Variants in AHCYL2 observed in about 807,000 individuals in gnomAD.
AHCYL2 encodes S-adenosylhomocysteine hydrolase-like protein 2.
A neutral mutation model predicts 81.4 loss-of-function variants in AHCYL2; 28 were observed. The observed-to-expected ratio is 0.34, with a 90% CI of 0.25 to 0.47. AHCYL2 has a LOEUF of 0.47. Ranked by LOEUF, AHCYL2 falls within the 20% of genes least tolerant of loss-of-function variation. The pLI, the probability that AHCYL2 is intolerant of heterozygous loss-of-function variation, is 1.00. For synonymous variants in AHCYL2, 272 were observed against 290.2 expected, an observed-to-expected ratio of 0.94 and a Z score of 0.64; for missense variants, 551 against 785.1, an observed-to-expected ratio of 0.70 and a Z score of 3.56.
chr7:129,239,193 T>C (rs1053588043), intron 1 of AHCYL2, among the ~76,000 whole-genome samples: 3 of 152,194 alleles, frequency 2.0e-5, no homozygotes, highest in Admixed American at 1.3e-4. Context: ...GAGGTCTAAT[T>C]ATAGTTAGAG....
chr7:129,302,503 T>A lies in AHCYL2; in HGVS notation c.363+77064T>A, dbSNP rs531162691. The stretch of plus-strand genomic sequence containing the variant: ...GTATGATACTGGCTGTGGGTTGTTG[T>A]ATATGTTTTATTATGCTGAGGTATG... On this transcript the variant is annotated intron_variant, in intron 1 of 16. Transcript: ENST00000325006. 1.3e-4 allele frequency among the ~76,000 whole-genome samples: 20 copies of A among 152,274 alleles called. No homozygotes were observed. In the East Asian group the frequency reaches 3.9e-3, roughly 29 times the overall value.
intron 4 of AHCYL2, among the ~76,000 whole-genome samples, chr7:129,394,603 A>C (rs1795635200): frequency 1.3e-5 from 2 of 151,898 alleles, no homozygotes; most frequent in South Asian, 4.2e-4. Flanking sequence ...ATGTGGCACC[A>C]AGCAGCTAAT....
intron 1 of AHCYL2, among the ~76,000 whole-genome samples, chr7:129,372,706 C>G (rs13245699): frequency 0.023 from 3,554 of 152,116 alleles, 70 homozygotes; most frequent in Admixed American, 0.056. Context: ...CGCAGCTACT[C>G]AGGAGGCTGA....
intron 12 of AHCYL2, among the ~76,000 whole-genome samples, chr7:129,414,186 C>T (rs1179523191): frequency 6.6e-6 from 1 of 152,056 alleles, no homozygotes; most frequent in African/African-American, 2.4e-5. Context: ...TTCTTTTATC[C>T]CTCTCTTTTA....
chr7:129,285,696 C>CTTTT (rs71526096), intron 1 of AHCYL2, among the ~76,000 whole-genome samples: 1 of 100,598 alleles, frequency 9.9e-6, no homozygotes, highest in African/African-American at 3.7e-5. Context: ...CTCTCTCTCT[C>CTTTT]TTTTTTTTTT....
At chr7:129,256,549 A>ACCCCCCCCCC (rs58653086) in intron 1 of AHCYL2, among the ~76,000 whole-genome samples, 2 of 63,744 alleles carry the variant, frequency 3.1e-5, no homozygotes, top group African/African-American at 1.4e-4. Flanking sequence ...CCCACCCCCC[A>ACCCCCCCCCC]CCCCCCCCCC....
intron 1 of AHCYL2, among the ~76,000 whole-genome samples, chr7:129,302,004 C>A (rs919997507): frequency 1.3e-5 from 2 of 151,936 alleles, no homozygotes; most frequent in Non-Finnish European, 2.9e-5. Flanking sequence ...TGTTCCAATC[C>A]GTGGACATGG....
intron 1 of AHCYL2, among the ~76,000 whole-genome samples, chr7:129,290,807 G>A (rs1796823383): frequency 6.7e-6 from 1 of 150,178 alleles, no homozygotes; most frequent in Admixed American, 6.6e-5. Flanking sequence ...GCGGGCGCCT[G>A]TAATCCCAGC....
At chr7:129,423,636 T>C (rs1299139480) in intron 13 of AHCYL2, among the ~76,000 whole-genome samples, 1 of 152,210 alleles carries the variant, frequency 6.6e-6, no homozygotes, top group Non-Finnish European at 1.5e-5. Flanking sequence ...TACCAAAATA[T>C]CAAGGAGGAT....
At chr7:129,233,231 C>T (rs1794511705) in intron 1 of AHCYL2, among the ~76,000 whole-genome samples, 1 of 152,180 alleles carries the variant, frequency 6.6e-6, no homozygotes, top group Non-Finnish European at 1.5e-5. Flanking sequence ...CTCACCCAGG[C>T]TGGAGTGCAG....
intron 2 of AHCYL2, among the ~76,000 whole-genome samples, chr7:129,386,597 T>C (rs552947903): frequency 1.3e-5 from 2 of 152,228 alleles, no homozygotes; most frequent in Admixed American, 1.3e-4. Flanking sequence ...AATAGAGAAG[T>C]GGTGTAAAGA....
At chr7:129,339,873 T>A (rs952594482) in intron 1 of AHCYL2, among the ~76,000 whole-genome samples, 1 of 150,218 alleles carries the variant, frequency 6.7e-6, no homozygotes, top group African/African-American at 2.4e-5. Flanking sequence ...TACACTGTTA[T>A]CCAGTTTTGC....
intron 1 of AHCYL2, among the ~76,000 whole-genome samples, chr7:129,299,406 T>C: frequency 1.1e-5 from 1 of 92,442 alleles, no homozygotes; most frequent in South Asian, 4.0e-4. Context: ...TTTTTTTTTT[T>C]TTTTTGAGAT....
chr7:129,331,173 ACT>A (rs530575020), intron 1 of AHCYL2, among the ~76,000 whole-genome samples: 8 of 152,152 alleles, frequency 5.3e-5, no homozygotes, highest in South Asian at 4.1e-4. Flanking sequence ...AATGTATAAA[ACT>A]CTGTGCGGAT....
chr7:129,254,065 C>T (rs555301340), intron 1 of AHCYL2, among the ~76,000 whole-genome samples: 1 of 152,242 alleles, frequency 6.6e-6, no homozygotes, highest in South Asian at 2.1e-4. Context: ...AATAAGAATT[C>T]AAGTTCAGTT....
chr7:129,410,392 C>T, intron 11 of AHCYL2: 1 of 1,608,778 alleles, frequency 6.2e-7, no homozygotes, highest in Non-Finnish European at 8.5e-7. Context: ...CACTAAGGGC[C>T]AAACCCAGTG....
At chr7:129,373,919 A>G (rs112135664) in intron 1 of AHCYL2, among the ~76,000 whole-genome samples, 4 of 152,298 alleles carry the variant, frequency 2.6e-5, no homozygotes, top group Non-Finnish European at 5.9e-5. Context: ...GTGATGGTGA[A>G]TATTCATATT....
At chr7:129,256,791 GT>G (rs933396607) in intron 1 of AHCYL2, among the ~76,000 whole-genome samples, 12 of 147,398 alleles carry the variant, frequency 8.1e-5, no homozygotes, top group East Asian at 2.0e-4. Context: ...TGTTCAAAAG[GT>G]TTTTTTTTTA....
At position 129,389,663 on chromosome 7, in the gene AHCYL2, A is replaced by C. The variant is rs1795373949; in HGVS notation, c.649A>C (p.Arg217=). 1.9e-6 allele frequency: 3 copies of C among 1,613,640 alleles called. No homozygotes were observed. Among genetic ancestry groups the C allele is most frequent in the Non-Finnish European group, 2.5e-6 (3 of 1,179,818 alleles). ...GCCTGCATTGATGGCTTTGAGGAAGAGAGCTCAAGGAGAAAAGCCTTTGGC... is the reference window on the plus strand; with the variant it reads ...GCCTGCATTGATGGCTTTGAGGAAGCGAGCTCAAGGAGAAAAGCCTTTGGC... ...EMPALMALRK[R]AQGEKPLAGA... The change falls in exon 4 of 17, where the codon AGA becomes CGA. Residue 217 remains arginine (R), a synonymous_variant. Coordinates refer to ENST00000325006, the MANE Select transcript of AHCYL2 (RefSeq NM_015328.4).
Sources: gnomAD v4.1 joint callset for allele counts (sites outside exome capture counted in the v4.1 genomes callset) on GRCh38, gnomAD v4.1.1 for gene constraint, MANE v1.5 for transcripts, NCBI Gene and HGNC (gene_info 2026-07-23, HGNC 2026-07-21) for gene names.